EPB41L4B: variants seen among roughly 807,000 people sequenced by gnomAD.
EPB41L4B encodes the protein band 4.1-like protein 4B.
EPB41L4B carries 30 observed loss-of-function variants against 112.5 expected under a neutral mutation model. The observed-to-expected ratio is 0.27, with a 90% CI of 0.20 to 0.36. The LOEUF (loss-of-function observed/expected upper bound fraction) is 0.36, where lower values mean the gene tolerates loss of function less well. EPB41L4B is among the 10% of genes least tolerant of loss of function. The pLI, the probability that EPB41L4B is intolerant of heterozygous loss-of-function variation, is 1.00. For synonymous variants in EPB41L4B, 408 were observed against 439.7 expected, an observed-to-expected ratio of 0.93 and a Z score of 0.90; for missense variants, 1,024 against 1,133.3, an observed-to-expected ratio of 0.90 and a Z score of 1.38.
At chr9:109,211,827 T>C (rs958891239) in intron 17 of EPB41L4B, among the ~76,000 whole-genome samples, 2 of 145,992 alleles carry the variant, frequency 1.4e-5, no homozygotes, top group Non-Finnish European at 3.0e-5. Flanking sequence ...GCGATTCTTC[T>C]GCCTCAGCCT....
intron 16 of EPB41L4B, 23 bp downstream of exon 16, chr9:109,216,899 T>G: frequency 6.2e-7 from 1 of 1,611,284 alleles, no homozygotes; most frequent in Non-Finnish European, 8.5e-7. Context: ...TTCTCCTGCC[T>G]TGCCCCCTCC....
chr9:109,222,289 G>C (rs1039086821), intron 15 of EPB41L4B, among the ~76,000 whole-genome samples: 4 of 152,154 alleles, frequency 2.6e-5, no homozygotes, highest in African/African-American at 9.7e-5. Flanking sequence ...TCAGGTGAAA[G>C]GTCTTTCGCA....
intron 15 of EPB41L4B, among the ~76,000 whole-genome samples, chr9:109,238,511 A>T (rs1324329050): frequency 6.6e-6 from 1 of 152,236 alleles, no homozygotes; most frequent in Non-Finnish European, 1.5e-5. Context: ...TGCTGAGCAG[A>T]CATTCACTGA....
At chr9:109,187,560 T>C (rs1411636306) in intron 22 of EPB41L4B, among the ~76,000 whole-genome samples, 1 of 152,148 alleles carries the variant, frequency 6.6e-6, no homozygotes, top group Non-Finnish European at 1.5e-5. Flanking sequence ...GGGTATATCC[T>C]GCAGAAATAT....
chr9:109,181,065 C>T (rs57017404), intron 24 of EPB41L4B, among the ~76,000 whole-genome samples: 10 of 152,282 alleles, frequency 6.6e-5, no homozygotes, highest in African/African-American at 2.2e-4. Context: ...AGGCTGGAAT[C>T]CAGTGGTGCA....
intron 6 of EPB41L4B, among the ~76,000 whole-genome samples, chr9:109,260,196 T>C (rs1280611902): frequency 6.6e-6 from 1 of 151,942 alleles, no homozygotes; most frequent in East Asian, 1.9e-4. Flanking sequence ...CAGCTCAGTC[T>C]GTAGCTGGGA....
chr9:109,227,843 G>A (rs767258987), intron 15 of EPB41L4B, among the ~76,000 whole-genome samples: 1 of 152,136 alleles, frequency 6.6e-6, no homozygotes, highest in Non-Finnish European at 1.5e-5. Context: ...ACCTCCCCAA[G>A]TGCTGGGATT....
At chr9:109,232,579 G>T (rs1345359005) in intron 15 of EPB41L4B, among the ~76,000 whole-genome samples, 4 of 152,286 alleles carry the variant, frequency 2.6e-5, no homozygotes, top group Admixed American at 2.6e-4. Flanking sequence ...CATGAGCTGG[G>T]AAGTGTTATT....
At chr9:109,220,638 A>C (rs1833541281) in intron 15 of EPB41L4B, among the ~76,000 whole-genome samples, 1 of 152,192 alleles carries the variant, frequency 6.6e-6, no homozygotes, top group South Asian at 2.1e-4. Flanking sequence ...GAGACAGTCC[A>C]GAAGAAATGG....
intron 18 of EPB41L4B, among the ~76,000 whole-genome samples, chr9:109,206,904 C>T (rs1833008431): frequency 1.3e-5 from 2 of 152,236 alleles, no homozygotes; most frequent in South Asian, 4.1e-4. Flanking sequence ...CTTGCTGCTT[C>T]TTGTGGGCAG....
At chr9:109,241,881 A>G (rs1834365569) in intron 15 of EPB41L4B, 2 of 1,518,622 alleles carry the variant, frequency 1.3e-6, no homozygotes, top group Admixed American at 1.7e-5. Flanking sequence ...GAAACAACAC[A>G]AGCACAAAGG....
rs1833556506 is a variant in EPB41L4B, at chr9:109,221,064, A to G, written c.1410-3919T>C. On this transcript the variant is annotated intron_variant, in intron 15 of 25. Transcript: ENST00000374566. The stretch of plus-strand genomic sequence containing the variant: ...GGTTAAGCGATTTCTGGGCAAATTT[A>G]GGTATCTGAGAATCATCCTTTCCCC... 2.6e-5 allele frequency among the ~76,000 whole-genome samples: 4 copies of G among 152,326 alleles called. No homozygotes were observed. In the South Asian group the frequency reaches 8.3e-4, roughly 32 times the overall value.
chr9:109,276,572 T>C (rs1339175682), intron 2 of EPB41L4B, among the ~76,000 whole-genome samples: 2 of 152,112 alleles, frequency 1.3e-5, no homozygotes, highest in Non-Finnish European at 2.9e-5. Context: ...TGCCTCAAAT[T>C]TGTAGAGTTG....
At chr9:109,268,103 G>GA (rs1835471431) in intron 3 of EPB41L4B, among the ~76,000 whole-genome samples, 1 of 152,162 alleles carries the variant, frequency 6.6e-6, no homozygotes, top group African/African-American at 2.4e-5. Context: ...GATATAATAG[G>GA]TATAAAGCTG....
chr9:109,319,443 G>T (rs903727164), intron 1 of EPB41L4B, among the ~76,000 whole-genome samples: 5 of 152,200 alleles, frequency 3.3e-5, no homozygotes, highest in Non-Finnish European at 7.4e-5. Context: ...CCAGCAAAGG[G>T]CTCTGCCGGT....
chr9:109,217,198 C>A, intron 15 of EPB41L4B, 53 bp from the exon 16 acceptor site: 4 of 1,542,136 alleles, frequency 2.6e-6, no homozygotes, highest in Non-Finnish European at 3.6e-6. Context: ...CTTGCAAGCC[C>A]TCTGTGTACT....
intron 14 of EPB41L4B, among the ~76,000 whole-genome samples, chr9:109,246,861 T>C (rs1834576839): frequency 6.6e-6 from 1 of 152,204 alleles, no homozygotes; most frequent in South Asian, 2.1e-4. Flanking sequence ...GCCTAGCACA[T>C]CACCTAGCAC....
In EPB41L4B at chr9:109,235,744, G is replaced by A. The variant is rs546496672; in HGVS notation, c.1409+7874C>T. Reference sequence around the variant, plus strand: ...TGGCCTGTTTCTGTCCACATGGACAGCTACGACCTTACGAACCACTAAAAA... The same window carrying A: ...TGGCCTGTTTCTGTCCACATGGACAACTACGACCTTACGAACCACTAAAAA... On this transcript the variant is annotated intron_variant, in intron 15 of 25. Coordinates refer to ENST00000374566, the MANE Select transcript of EPB41L4B (RefSeq NM_019114.5). Among the ~76,000 whole-genome samples, 8 of 152,314 alleles carry A rather than the reference G, an allele frequency of 5.3e-5. No individual in the cohort carries two copies. In the South Asian group the frequency reaches 1.7e-3, roughly 32 times the overall value.
intron 15 of EPB41L4B, among the ~76,000 whole-genome samples, chr9:109,220,331 G>A (rs1193651373): frequency 1.3e-5 from 2 of 152,224 alleles, no homozygotes; most frequent in African/African-American, 2.4e-5. Flanking sequence ...GACTAAGACA[G>A]GCTGGGGCTA....
Sources: gnomAD v4.1 joint callset for allele counts (sites outside exome capture counted in the v4.1 genomes callset) on GRCh38, gnomAD v4.1.1 for gene constraint, MANE v1.5 for transcripts, NCBI Gene and HGNC (gene_info 2026-07-23, HGNC 2026-07-21) for gene names.